The following NEDD4L variants were observed in gnomAD, a reference collection of about 807,000 sequenced individuals.
NEDD4L encodes the protein NEDD4 like E3 ubiquitin protein ligase.
NEDD4L carries 54 observed loss-of-function variants against 148.9 expected under a neutral mutation model. That is an observed-to-expected ratio of 0.36 (90% CI 0.29 to 0.45). The LOEUF is 0.45. Ranked by LOEUF, NEDD4L falls within the 20% of genes least tolerant of loss-of-function variation. The pLI, the probability that NEDD4L is intolerant of heterozygous loss-of-function variation, is 1.00. For missense variants in NEDD4L, 856 were observed against 1,233.8 expected, an observed-to-expected ratio of 0.69 and a Z score of 4.59; for synonymous variants, 433 against 440.7, an observed-to-expected ratio of 0.98 and a Z score of 0.22.
chr18:58,115,424 T>C (rs892416049), intron 1 of NEDD4L, among the ~76,000 whole-genome samples: 1 of 152,050 alleles, frequency 6.6e-6, no homozygotes, highest in African/African-American at 2.4e-5. Flanking sequence ...TTAGGAAACA[T>C]AGGAGGTTAG....
intron 9 of NEDD4L, among the ~76,000 whole-genome samples, chr18:58,326,369 T>C (rs1374573602): frequency 1.3e-5 from 2 of 152,236 alleles, no homozygotes; most frequent in African/African-American, 4.8e-5. Context: ...AGCAAAAATA[T>C]CAGATCAGCT....
At chr18:58,347,014 AT>A (rs1238008190) in intron 16 of NEDD4L, among the ~76,000 whole-genome samples, 1 of 151,878 alleles carries the variant, frequency 6.6e-6, no homozygotes, top group Non-Finnish European at 1.5e-5. Context: ...TGCTGCCATT[AT>A]TTTTATTATT....
At chr18:58,271,769 T>G (rs1031699274) in intron 5 of NEDD4L, among the ~76,000 whole-genome samples, 1 of 152,204 alleles carries the variant, frequency 6.6e-6, no homozygotes, top group African/African-American at 2.4e-5. Context: ...ATCAAGTGAG[T>G]AGTTTTTCCT....
chr18:58,185,746 G>C (rs988174670), intron 2 of NEDD4L, among the ~76,000 whole-genome samples: 5 of 152,196 alleles, frequency 3.3e-5, no homozygotes, highest in Non-Finnish European at 5.9e-5. Context: ...GGTGGTGCAT[G>C]CCTGTAATCC....
At chr18:58,392,071 G>A (rs2049902711) in intron 30 of NEDD4L, among the ~76,000 whole-genome samples, 1 of 152,234 alleles carries the variant, frequency 6.6e-6, no homozygotes, top group Admixed American at 6.5e-5. Context: ...ATGCCCAAGC[G>A]TGGAGCGTGG....
At position 58,386,966 on chromosome 18, in the gene NEDD4L, T is replaced by C. The variant is rs548989586; in HGVS notation, c.2488-473T>C. Among the ~76,000 whole-genome samples the C allele has an allele frequency of 6.6e-4, 100 of 152,346 alleles. 1 individual carries two copies. Among genetic ancestry groups the C allele is most frequent in the Admixed American group, 4.4e-3 (68 of 15,308 alleles). On this transcript the variant is annotated intron_variant, in intron 26 of 30. Coordinates refer to ENST00000400345, the MANE Select transcript of NEDD4L (RefSeq NM_001144967.3). ...GGGCCCAGCAGAGCTGAGCTCATCC[T>C]AGATCACGCCACAGTTAGTGGTACC...
intron 17 of NEDD4L, 75 bp from the exon 18 acceptor site, chr18:58,350,916 T>C: frequency 2.5e-6 from 3 of 1,186,510 alleles, no homozygotes; most frequent in Non-Finnish European, 3.7e-6. Context: ...CTATAGTTTT[T>C]AAATGTTGCC....
chr18:58,201,592 A>G (rs1028215305), intron 2 of NEDD4L, among the ~76,000 whole-genome samples: 6 of 152,188 alleles, frequency 3.9e-5, no homozygotes, highest in South Asian at 2.1e-4. Context: ...ATGTTTCTCT[A>G]TATGAGTTCA....
chr18:58,064,871 C>A (rs1484499590), intron 1 of NEDD4L, among the ~76,000 whole-genome samples: 1 of 152,050 alleles, frequency 6.6e-6, no homozygotes, highest in Non-Finnish European at 1.5e-5. Context: ...CTTTGGGAGG[C>A]GAAAGGATTG....
intron 5 of NEDD4L, among the ~76,000 whole-genome samples, chr18:58,304,831 T>C (rs2056891029): frequency 6.6e-6 from 1 of 152,244 alleles, no homozygotes; most frequent in African/African-American, 2.4e-5. Context: ...AAGATGTATG[T>C]TGCACTAAAT....
At chr18:58,201,331 T>C (rs2041381183) in intron 2 of NEDD4L, among the ~76,000 whole-genome samples, 1 of 148,642 alleles carries the variant, frequency 6.7e-6, no homozygotes, top group Non-Finnish European at 1.5e-5. Flanking sequence ...TGATCCTGTC[T>C]CAAAAAAAAA....
At chr18:58,064,833 G>A (rs138831029) in intron 1 of NEDD4L, among the ~76,000 whole-genome samples, 135 of 152,304 alleles carry the variant, frequency 8.9e-4, no homozygotes, top group African/African-American at 3.1e-3. Context: ...CTGGCCAGGC[G>A]TGATGACTCA....
chr18:58,128,838 C>T (rs2031590182), intron 1 of NEDD4L, among the ~76,000 whole-genome samples: 1 of 152,166 alleles, frequency 6.6e-6, no homozygotes, highest in Non-Finnish European at 1.5e-5. Context: ...CCTGGTTGAA[C>T]TTGGCCTTTG....
In NEDD4L at chr18:58,163,166, C is replaced by T. The variant is rs556723319; in HGVS notation, c.49-2622C>T. ...GATCGTAGCGCACTGCAGCCTTGAGCTCCTGGACTCAAGTGATCCTCCTGC... is the reference window on the plus strand; with the variant it reads ...GATCGTAGCGCACTGCAGCCTTGAGTTCCTGGACTCAAGTGATCCTCCTGC... On this transcript the variant is annotated intron_variant, in intron 1 of 30. Transcript: ENST00000400345. Among the ~76,000 whole-genome samples the T allele has an allele frequency of 4.6e-5, 7 of 152,304 alleles. No individual in the cohort carries two copies. The East Asian group carries it at 1.4e-3, about 29-fold the overall frequency.
chr18:58,124,928 G>C (rs1000263968), intron 1 of NEDD4L, among the ~76,000 whole-genome samples: 2 of 152,124 alleles, frequency 1.3e-5, no homozygotes, highest in Non-Finnish European at 2.9e-5. Context: ...TGAATGGCAG[G>C]GTCTTACACT....
chr18:58,252,128 C>G (rs894609511), intron 5 of NEDD4L, 74 bp downstream of exon 5: 4 of 967,032 alleles, frequency 4.1e-6, no homozygotes, highest in Non-Finnish European at 6.7e-6. Context: ...GTCTTTAAAA[C>G]TCTGTGTTTA....
chr18:58,285,198 G>A (rs2053709462), intron 5 of NEDD4L, among the ~76,000 whole-genome samples: 1 of 152,112 alleles, frequency 6.6e-6, no homozygotes, highest in Non-Finnish European at 1.5e-5. Context: ...GTGTGTGTGC[G>A]CAGAACCCAC....
chr18:58,235,354 G>A (rs2045887784), intron 2 of NEDD4L, among the ~76,000 whole-genome samples: 4 of 152,090 alleles, frequency 2.6e-5, no homozygotes, highest in Admixed American at 1.3e-4. Context: ...ACACACATAG[G>A]TGCTCAGCAG....
In NEDD4L at chr18:58,329,061, C is replaced by T; in HGVS notation, c.747C>T (p.Phe249=). 6.2e-7 allele frequency: 1 copy of T among 1,614,064 alleles called. No individual in the cohort carries two copies. The highest frequency in any genetic ancestry group is 8.5e-7 in the Non-Finnish European group (1 of 1,179,900). Residue 249 remains phenylalanine, a synonymous_variant, in exon 10 of 31, where the codon TTC becomes TTT. Transcript: ENST00000400345. ...ACCAGGAGGCAGCACACCGGCGCTT[C>T]CGCTCCCGCAGGCACATCAGCGAAG... is the stretch of plus-strand genomic sequence containing the variant. ...QINQEAAHRR[F]RSRRHISEDL...
Sources: allele counts gnomAD v4.1 joint callset (sites outside exome capture counted in the v4.1 genomes callset), GRCh38; gene constraint gnomAD v4.1.1; transcripts MANE v1.5; gene names NCBI Gene and HGNC (gene_info 2026-07-23, HGNC 2026-07-21).